Variants in PLXNA4 observed in about 807,000 individuals in gnomAD.
PLXNA4 encodes plexin-A4.
A neutral mutation model predicts 191.8 loss-of-function variants in PLXNA4; 44 were observed. That is an observed-to-expected ratio of 0.23 (90% CI 0.18 to 0.29). The LOEUF is 0.29. Among genes scored for constraint, PLXNA4 ranks in the 10% least tolerant of loss-of-function variants. The pLI is 1.00. For synonymous variants in PLXNA4, 1,082 were observed against 1,009.5 expected (o/e 1.07, Z -1.36); for missense variants, 1,800 against 2,488.8 (o/e 0.72, Z 5.89).
chr7:132,404,987 C>T (rs1000696897), intron 3 of PLXNA4, among the ~76,000 whole-genome samples: 6 of 151,962 alleles, frequency 3.9e-5, no homozygotes, highest in Admixed American at 2.0e-4. Flanking sequence ...CTGAGTCTGA[C>T]GTTCTACTTT....
intron 4 of PLXNA4, among the ~76,000 whole-genome samples, chr7:132,242,623 T>C (rs1179383751): frequency 6.6e-6 from 1 of 152,216 alleles, no homozygotes; most frequent in South Asian, 2.1e-4. Context: ...CTTTCACTTC[T>C]TTCAAGCAAC....
rs13438664 is a variant in PLXNA4, at chr7:132,223,752, G to C, written c.1983-111C>G. 1.4e-5 allele frequency: 11 copies of C among 791,138 alleles called. 1 individual carries two copies. The highest frequency in any genetic ancestry group is 3.4e-5 in the African/African-American group (2 of 58,356). 49.0% of individuals were successfully genotyped at this position (791,138 alleles called of 1,614,324 possible). On this transcript the variant is annotated intron_variant, in intron 8 of 31. Transcript: ENST00000321063. ...ATTTTTAGTATTAAGAGAAACCACC[G>C]TTGAATGTGCAGGAAGGGCAGATCT...
chr7:132,489,303 T>G lies in PLXNA4; in HGVS notation c.1360A>C (p.Lys454Gln). 1.3e-6 allele frequency: 2 copies of G among 1,584,082 alleles called. No homozygotes were observed. The highest frequency in any genetic ancestry group is 1.7e-6 in the Non-Finnish European group (2 of 1,154,826). Residue 454 changes from lysine to glutamine, a missense_variant, in exon 3 of 32, where the codon AAG becomes CAG. Coordinates refer to ENST00000321063, the MANE Select transcript of PLXNA4 (RefSeq NM_020911.2). ...SLAFVGTKSG[K>Q]LKKIRVDGPR... ...CACCTCATTCCTACCTTCTTCAGCT[T>G]GCCACTTTTGGTGCCCACAAAGGCC...
At chr7:132,174,551 A>C (rs1796392844) in intron 21 of PLXNA4, among the ~76,000 whole-genome samples, 1 of 152,162 alleles carries the variant, frequency 6.6e-6, no homozygotes, top group Non-Finnish European at 1.5e-5. Context: ...AAAGGGCTCC[A>C]TGATCCTCCA....
At chr7:132,388,363 C>G (rs1399339062) in intron 3 of PLXNA4, among the ~76,000 whole-genome samples, 1 of 152,126 alleles carries the variant, frequency 6.6e-6, no homozygotes, top group Non-Finnish European at 1.5e-5. Flanking sequence ...TGTTAAGTAT[C>G]TTGCCCAAAG....
intron 3 of PLXNA4, among the ~76,000 whole-genome samples, chr7:132,443,235 TC>T (rs1392491351): frequency 3.9e-5 from 6 of 152,154 alleles, no homozygotes; most frequent in Non-Finnish European, 5.9e-5. Context: ...GTGGCCATGT[TC>T]CTACAGCCAA....
In PLXNA4 at chr7:132,223,576, T is replaced by C. The variant is rs1311505461; in HGVS notation, c.2048A>G (p.His683Arg). Residue 683 changes from histidine to arginine, a missense_variant, in exon 9 of 32, where the codon CAT becomes CGT. Around this residue, in one of 6 missense-constraint regions of PLXNA4, gnomAD observed 1,397 missense variants for 1,880.4 expected, o/e 0.74. Transcript: ENST00000321063. The part of the protein sequence containing the change: ...HWCKYRHVCT[H>R]DPKTCSFQEG... ...CTGGAAGGAGCAGGTCTTGGGGTCA[T>C]GGGTGCAGACATGCCGGTATTTACA... 2 of 1,613,864 alleles carry C rather than the reference T, an allele frequency of 1.2e-6. No homozygotes were observed. The highest frequency in any genetic ancestry group is 1.7e-6 in the Non-Finnish European group (2 of 1,179,928).
intron 10 of PLXNA4, among the ~76,000 whole-genome samples, chr7:132,205,481 C>G (rs1797585686): frequency 6.6e-6 from 1 of 152,130 alleles, no homozygotes. Context: ...GGGATGCCCT[C>G]CTTCCTTGTG....
At chr7:132,414,646 A>T (rs1406359240) in intron 3 of PLXNA4, among the ~76,000 whole-genome samples, 1 of 152,106 alleles carries the variant, frequency 6.6e-6, no homozygotes, top group East Asian at 1.9e-4. Context: ...CACAGAAAGT[A>T]CTCCACTGAT....
chr7:132,161,941 C>T (rs554219171), intron 24 of PLXNA4, among the ~76,000 whole-genome samples: 4 of 152,310 alleles, frequency 2.6e-5, no homozygotes, highest in African/African-American at 9.6e-5. Context: ...CTGGCATGGT[C>T]CTTGGCCACA....
chr7:132,479,846 CA>C (rs893224376), intron 3 of PLXNA4, among the ~76,000 whole-genome samples: 1 of 151,956 alleles, frequency 6.6e-6, no homozygotes, highest in African/African-American at 2.4e-5. Flanking sequence ...TTAGTAGAGA[CA>C]GGGTTTTGCC....
rs562612912 is a variant in PLXNA4, at chr7:132,358,491, A to G, written c.1372-60269T>C. 2.6e-5 allele frequency among the ~76,000 whole-genome samples: 4 copies of G among 152,312 alleles called. 1 individual carries two copies. The South Asian group carries it at 8.3e-4, about 32-fold the overall frequency. Reference sequence around the variant, plus strand: ...AGAGGGTTGGTGGAGAAGAAAACGGAAGGAGGATATGACTGTGTTTTATTA... The same window carrying G: ...AGAGGGTTGGTGGAGAAGAAAACGGGAGGAGGATATGACTGTGTTTTATTA... On this transcript the variant is annotated intron_variant, in intron 3 of 31. Transcript: ENST00000321063.
intron 3 of PLXNA4, among the ~76,000 whole-genome samples, chr7:132,315,061 C>T (rs970727561): frequency 2.0e-5 from 3 of 152,222 alleles, no homozygotes; most frequent in Non-Finnish European, 2.9e-5. Context: ...GAATATTGTG[C>T]TCTTCCTCTG....
chr7:132,320,606 AGAGAG>A, intron 3 of PLXNA4, among the ~76,000 whole-genome samples: 1 of 152,108 alleles, frequency 6.6e-6, no homozygotes, highest in East Asian at 1.9e-4. Flanking sequence ...TCCTGCCTGG[AGAGAG>A]GAGAGCAGAG....
In PLXNA4 at chr7:132,185,247, G is replaced by A. The variant is rs1796837696; in HGVS notation, c.3158+52C>T. On this transcript the variant is annotated intron_variant, in intron 16 of 31. Transcript: ENST00000321063. Reference sequence around the variant, plus strand: ...CTCTCCTTGGCTTTCAAGAGTCAGGGAAGGGAAACAGAGGTGCAGAAGCAT... The same window carrying A: ...CTCTCCTTGGCTTTCAAGAGTCAGGAAAGGGAAACAGAGGTGCAGAAGCAT... 3.2e-6 allele frequency: 5 copies of A among 1,557,616 alleles called. No individual in the cohort carries two copies. In the South Asian group the frequency reaches 6.1e-5, roughly 19 times the overall value.
rs1794710402 is a variant in PLXNA4, at chr7:132,124,247, T to C, written c.*6232A>G. On this transcript the variant is annotated 3_prime_UTR_variant, in exon 32 of 32. Transcript: ENST00000321063. Reference sequence around the variant, plus strand: ...TCTTTGAGGTAAGCTAGCTTTTCATTTTAAGAACAGAAGGTTTAACAAGTC... The same window carrying C: ...TCTTTGAGGTAAGCTAGCTTTTCATCTTAAGAACAGAAGGTTTAACAAGTC... 1 of 152,214 alleles carries C rather than the reference T, an allele frequency of 6.6e-6. No homozygotes were observed. The highest frequency in any genetic ancestry group is 2.4e-5 in the African/African-American group (1 of 41,454). The allele number at this position is 152,214 out of a possible 1,614,324, so 9.4% of individuals were successfully genotyped here.
At chr7:132,344,030 C>T (rs1803142685) in intron 3 of PLXNA4, among the ~76,000 whole-genome samples, 1 of 152,208 alleles carries the variant, frequency 6.6e-6, no homozygotes, top group African/African-American at 2.4e-5. Context: ...ACACTCACCA[C>T]GCCTGCCCAT....
intron 4 of PLXNA4, among the ~76,000 whole-genome samples, chr7:132,284,396 T>C (rs963485713): frequency 7.9e-5 from 12 of 152,228 alleles, no homozygotes; most frequent in African/African-American, 2.9e-4. Flanking sequence ...GTGAATATCA[T>C]TTGTCTCTTG....
At chr7:132,327,227 G>A (rs1034630710) in intron 3 of PLXNA4, among the ~76,000 whole-genome samples, 1 of 151,800 alleles carries the variant, frequency 6.6e-6, no homozygotes, top group Non-Finnish European at 1.5e-5. Flanking sequence ...GCAACCCCAG[G>A]CTCTAAGTGC....
Sources: gnomAD v4.1 joint callset for allele counts (sites outside exome capture counted in the v4.1 genomes callset) on GRCh38, gnomAD v4.1.1 for gene constraint, gnomAD v4.1.1 regional missense constraint, MANE v1.5 for transcripts, NCBI Gene and HGNC (gene_info 2026-07-23, HGNC 2026-07-21) for gene names.